Variants in KCNG2 observed in about 807,000 individuals in gnomAD.
KCNG2 encodes potassium voltage-gated channel modifier subfamily G member 2, also known as voltage-gated potassium channel regulatory subunit KCNG2.
In KCNG2, 7 loss-of-function variants were observed where a neutral mutation model predicts 12.3. The observed-to-expected ratio is 0.57, with a 90% CI of 0.32 to 1.07. The LOEUF (loss-of-function observed/expected upper bound fraction) is 1.07, where lower values mean the gene tolerates loss of function less well. KCNG2 is among the 50% of genes least tolerant of loss of function. The pLI is 0.04. For missense variants in KCNG2, 703 were observed against 726.0 expected (o/e 0.97, Z 0.36); for synonymous variants, 414 against 351.4 (o/e 1.18, Z -1.99).
intron 1 of KCNG2, among the ~76,000 whole-genome samples, chr18:79,830,737 G>A (rs1271798457): frequency 6.7e-6 from 1 of 150,080 alleles, no homozygotes; most frequent in Non-Finnish European, 1.5e-5. Context: ...CAGAGCCTTC[G>A]TCAGGAGGGT....
intron 2 of KCNG2, among the ~76,000 whole-genome samples, chr18:79,857,522 G>C (rs1005705786): frequency 6.6e-6 from 1 of 151,490 alleles, no homozygotes; most frequent in East Asian, 2.0e-4. Flanking sequence ...CGCTTGGGTC[G>C]AGTGGGCAGT....
intron 3 of KCNG2, among the ~76,000 whole-genome samples, chr18:79,897,597 C>T (rs1199236654): frequency 6.6e-6 from 1 of 152,146 alleles, no homozygotes; most frequent in Non-Finnish European, 1.5e-5. Context: ...ATGTATGAGT[C>T]ATACTTTCCT....
intron 3 of KCNG2, among the ~76,000 whole-genome samples, chr18:79,865,471 GGTATGAGGTCTGGGTGCTGAGAGGTCTGA>G (rs2123072959): frequency 7.5e-6 from 1 of 133,926 alleles, no homozygotes; most frequent in Non-Finnish European, 1.6e-5. Context: ...GAGAGGTCTG[GGTATGAGGTCTGGGTGCTGAGAGGTCTGA>G]GTGCTGAGAG....
chr18:79,854,206 C>T (rs575615715), intron 1 of KCNG2, among the ~76,000 whole-genome samples: 35 of 152,204 alleles, frequency 2.3e-4, no homozygotes, highest in Non-Finnish European at 4.9e-4. Context: ...CATCACTGCC[C>T]GGCAGAGCCT....
intron 1 of KCNG2, among the ~76,000 whole-genome samples, chr18:79,844,837 T>A (rs1474150940): frequency 6.6e-6 from 1 of 152,230 alleles, no homozygotes; most frequent in Admixed American, 6.5e-5. Context: ...AGAAAGAATT[T>A]GGCAGTTGCT....
Position 79,800,230 on chromosome 18 carries a change from AC to A in KCNG2, c.-115+2217del, listed in dbSNP as rs1207779021. 2.0e-5 allele frequency among the ~76,000 whole-genome samples: 3 copies of A among 152,078 alleles called. No individual in the cohort carries two copies. The highest frequency in any genetic ancestry group is 4.4e-5 in the Non-Finnish European group (3 of 68,008). ...CGGGAGGGGTGGTAGGGCCTGCAGG[AC>A]GAGGACACGCAGGGCATCCAGGGAC... On this transcript the variant is annotated intron_variant, in intron 1 of 3. Transcript: ENST00000316249. The surrounding 1 kb of genome is among the most constrained non-coding windows in gnomAD (Gnocchi z 4.0).
chr18:79,874,568 CG>C (rs1979991369), intron 3 of KCNG2, among the ~76,000 whole-genome samples: 1 of 152,204 alleles, frequency 6.6e-6, no homozygotes, highest in South Asian at 2.1e-4. Context: ...AAGTGCAAAG[CG>C]GGGGGCCCAC....
At chr18:79,835,803 T>A (rs1205507376) in intron 1 of KCNG2, among the ~76,000 whole-genome samples, 1 of 152,208 alleles carries the variant, frequency 6.6e-6, no homozygotes, top group Non-Finnish European at 1.5e-5. Context: ...AAGTGATGGC[T>A]CTACACTTCA....
At chr18:79,875,461 G>A (rs1201969799) in intron 3 of KCNG2, among the ~76,000 whole-genome samples, 2 of 152,204 alleles carry the variant, frequency 1.3e-5, no homozygotes, top group Non-Finnish European at 2.9e-5. Context: ...CTAAATCTCA[G>A]GGTCTTCATG....
At chr18:79,872,022 G>A (rs928554966) in intron 3 of KCNG2, among the ~76,000 whole-genome samples, 2 of 152,122 alleles carry the variant, frequency 1.3e-5, no homozygotes, top group South Asian at 4.1e-4. Flanking sequence ...TGCACGTGCG[G>A]CCGGCCGCAC....
At chr18:79,824,209 A>G (rs1267682379) in intron 1 of KCNG2, among the ~76,000 whole-genome samples, 3 of 152,090 alleles carry the variant, frequency 2.0e-5, no homozygotes, top group African/African-American at 7.2e-5. Flanking sequence ...ATTTTGCCCA[A>G]ACTGATCTTG....
chr18:79,864,451 C>G lies in KCNG2; in HGVS notation c.624+160C>G, dbSNP rs28734816. ...GGGACTGGGGTGGGCCGGGGCCGGG[C>G]TGGAGGCGGCCGGGCTGAGGGAGCG... On this transcript the variant is annotated intron_variant, in intron 3 of 3. Coordinates refer to ENST00000316249, the MANE Select transcript of KCNG2 (RefSeq NM_012283.2). Among the ~76,000 whole-genome samples, 192 of 151,474 alleles carry G rather than the reference C, an allele frequency of 1.3e-3. 1 individual carries two copies. Among genetic ancestry groups the G allele is most frequent in the African/African-American group, 4.4e-3 (182 of 41,272 alleles).
At chr18:79,848,930 G>T (rs1978717845) in intron 1 of KCNG2, among the ~76,000 whole-genome samples, 1 of 152,170 alleles carries the variant, frequency 6.6e-6, no homozygotes, top group African/African-American at 2.4e-5. Context: ...TAGGCTGTTA[G>T]GGGTTAATGA....
intron 3 of KCNG2, among the ~76,000 whole-genome samples, chr18:79,865,330 GTCTGGGTGCTGAGGT>G: frequency 2.9e-5 from 4 of 136,474 alleles, no homozygotes; most frequent in Admixed American, 7.2e-5. Context: ...GTGCTGAGAG[GTCTGGGTGCTGAGGT>G]CTGGGTGCTG....
intron 3 of KCNG2, among the ~76,000 whole-genome samples, chr18:79,870,909 G>A (rs993696255): frequency 4.6e-5 from 7 of 152,160 alleles, no homozygotes; most frequent in African/African-American, 1.2e-4. Context: ...TTCTCCAGAG[G>A]TGCAGGATGA....
Position 79,810,925 on chromosome 18 carries a change from G to A in KCNG2, c.-115+12911G>A, listed in dbSNP as rs569394902. Among the ~76,000 whole-genome samples the A allele has an allele frequency of 5.3e-5, 8 of 152,120 alleles. 1 individual carries two copies. In the South Asian group the frequency reaches 6.2e-4, roughly 12 times the overall value. On this transcript the variant is annotated intron_variant, in intron 1 of 3. Coordinates refer to ENST00000316249, the MANE Select transcript of KCNG2 (RefSeq NM_012283.2). ...AGTCAAACAATACTCAAAACTCAGC[G>A]TGTTGTTGTATACTAGCAATGAAAA...
At chr18:79,851,247 AT>A (rs1179550511) in intron 1 of KCNG2, among the ~76,000 whole-genome samples, 1 of 152,192 alleles carries the variant, frequency 6.6e-6, no homozygotes, top group African/African-American at 2.4e-5. Context: ...TTATTAGTAT[AT>A]TTTGCAAGAA....
intron 1 of KCNG2, among the ~76,000 whole-genome samples, chr18:79,836,936 TA>T (rs1265806618): frequency 1.3e-5 from 2 of 152,174 alleles, no homozygotes; most frequent in African/African-American, 4.8e-5. Context: ...CCTCACATTT[TA>T]ACACAATCAT....
intron 3 of KCNG2, 136 bp from the exon 4 acceptor site, chr18:79,898,904 C>A: frequency 1.6e-6 from 1 of 624,952 alleles, no homozygotes. Context: ...TGTCAATATC[C>A]CCTGCACCCG....
Sources: allele counts gnomAD v4.1 joint callset (sites outside exome capture counted in the v4.1 genomes callset), GRCh38; gene constraint gnomAD v4.1.1; non-coding constraint Gnocchi (gnomAD v3.1); transcripts MANE v1.5; gene names NCBI Gene and HGNC (gene_info 2026-07-23, HGNC 2026-07-21).